The following TMEM156 variants were observed in gnomAD, a reference collection of about 807,000 sequenced individuals.
TMEM156 encodes transmembrane protein 156.
TMEM156 carries 28 observed loss-of-function variants against 30.5 expected under a neutral mutation model. That is an observed-to-expected ratio of 0.92 (90% CI 0.68 to 1.26). The LOEUF (loss-of-function observed/expected upper bound fraction) is 1.26. Among genes scored for constraint, TMEM156 ranks in the 50% most tolerant of loss-of-function variants. The pLI is 0.00. For synonymous variants in TMEM156, 137 were observed against 119.9 expected (o/e 1.14, Z -0.93); for missense variants, 351 against 340.6 (o/e 1.03, Z -0.24).
chr4:39,020,474 G>T (rs551566528), intron 1 of TMEM156, among the ~76,000 whole-genome samples: 1 of 152,106 alleles, frequency 6.6e-6, no homozygotes, highest in Non-Finnish European at 1.5e-5. Context: ...GGCTTCCAGC[G>T]ATCCTCCCAA....
intron 5 of TMEM156, among the ~76,000 whole-genome samples, chr4:38,981,436 T>G (rs561711969): frequency 6.6e-6 from 1 of 152,364 alleles, no homozygotes; most frequent in East Asian, 1.9e-4. Flanking sequence ...TGACTCACAT[T>G]GTTATACACA....
chr4:38,998,942 T>C (rs1309127754), intron 1 of TMEM156, 33 bp from the exon 2 acceptor site: 6 of 1,566,902 alleles, frequency 3.8e-6, no homozygotes, highest in Non-Finnish European at 5.2e-6. Context: ...CTTTCTTTAC[T>C]GTAAAGCTTT....
chr4:38,986,757 G>A (rs1311516117), intron 4 of TMEM156, among the ~76,000 whole-genome samples: 12 of 126,068 alleles, frequency 9.5e-5, no homozygotes, highest in Admixed American at 4.7e-4. Context: ...GCAGTGAGCC[G>A]AGATCATGCC....
chr4:39,025,916 G>A (rs942855833), intron 1 of TMEM156, among the ~76,000 whole-genome samples: 2 of 152,208 alleles, frequency 1.3e-5, no homozygotes, highest in African/African-American at 2.4e-5. Flanking sequence ...GTTTGTGAAC[G>A]TCAGATGAGA....
At chr4:38,972,072 A>T (rs1271848084) in intron 5 of TMEM156, among the ~76,000 whole-genome samples, 3 of 151,818 alleles carry the variant, frequency 2.0e-5, no homozygotes, top group African/African-American at 4.8e-5. Context: ...TACAGGTGTG[A>T]GTGACCGCGC....
chr4:39,008,376 A>G (rs1350043088), intron 1 of TMEM156, among the ~76,000 whole-genome samples: 1 of 152,170 alleles, frequency 6.6e-6, no homozygotes, highest in African/African-American at 2.4e-5. Flanking sequence ...AGATGATTAT[A>G]TAGTATTTCT....
intron 5 of TMEM156, among the ~76,000 whole-genome samples, chr4:38,980,342 C>T (rs1206781261): frequency 6.6e-6 from 1 of 152,124 alleles, no homozygotes; most frequent in African/African-American, 2.4e-5. Flanking sequence ...TTTGGATAGG[C>T]ATAATCAAAA....
rs1438298447 is a variant in TMEM156, at chr4:38,993,895, T to A, written c.462A>T (p.Glu154Asp). ...SVAPLVDHLEEYNTTCHLKNH... is the reference protein window; with the variant it reads ...SVAPLVDHLEDYNTTCHLKNH... ...TTTTTAGATGACAGGTAGTGTTATATTCCTCCAAGTGGTCAACCAGAGGAG... is the reference window on the plus strand; with the variant it reads ...TTTTTAGATGACAGGTAGTGTTATAATCCTCCAAGTGGTCAACCAGAGGAG... Residue 154 changes from glutamate (E) to aspartate (D), a missense_variant, in exon 3 of 7, where the codon GAA (glutamate) becomes GAT (aspartate). Physicochemically the swap from Glu to Asp is conservative, Grantham distance 45. Transcript: ENST00000381938. 3.1e-6 allele frequency: 5 copies of A among 1,614,034 alleles called. No homozygotes were observed. The Admixed American group carries it at 8.3e-5, about 27-fold the overall frequency.
In TMEM156 at chr4:39,030,565, A is replaced by T. The variant is rs146379089; in HGVS notation, c.88+1661T>A. Among the ~76,000 whole-genome samples the T allele has an allele frequency of 2.5e-3, 380 of 152,314 alleles. 2 individuals carry two copies. Among genetic ancestry groups the T allele is most frequent in the African/African-American group, 8.8e-3 (367 of 41,568 alleles). Reference sequence around the variant, plus strand: ...ATGCTTCTCACTTTGAGAAACAAAAACTAAAAGAACTACATGTCTGCCCCA... The same window carrying T: ...ATGCTTCTCACTTTGAGAAACAAAATCTAAAAGAACTACATGTCTGCCCCA... On this transcript the variant is annotated intron_variant, in intron 1 of 6. Coordinates refer to ENST00000381938, the MANE Select transcript of TMEM156 (RefSeq NM_024943.3).
chr4:38,988,877 C>A lies in TMEM156; in HGVS notation c.713G>T (p.Gly238Val), dbSNP rs1296687584. The A allele has an allele frequency of 1.9e-6, 3 of 1,613,982 alleles. No homozygotes were observed. In the Admixed American group the frequency reaches 5.0e-5, roughly 27 times the overall value. ...CTGCCACTTTTGCACTCTTCTCTGGCCTTCAAGTATTTTGCGGATAGTGAG... is the reference window on the plus strand; with the variant it reads ...CTGCCACTTTTGCACTCTTCTCTGGACTTCAAGTATTTTGCGGATAGTGAG... ...IILTIRKILE[G>V]QRRVQKWQSH... The change falls in exon 4 of 7, where the codon GGC (glycine) becomes GTC (valine). Residue 238 changes from glycine (G) to valine (V), a missense_variant. By Grantham distance (109) the Gly-to-Val change is moderately radical. Coordinates refer to ENST00000381938, the MANE Select transcript of TMEM156 (RefSeq NM_024943.3).
At chr4:39,017,171 C>CTTTTTTTTTTTTT (rs1159565890) in intron 1 of TMEM156, among the ~76,000 whole-genome samples, 2 of 91,300 alleles carry the variant, frequency 2.2e-5, no homozygotes, top group Admixed American at 1.6e-4. Context: ...TGTATTTCTT[C>CTTTTTTTTTTTTT]TTTTTTTTTT....
chr4:38,970,950 A>G (rs1722567764), intron 6 of TMEM156, 82 bp downstream of exon 6: 4 of 855,670 alleles, frequency 4.7e-6, no homozygotes, highest in African/African-American at 3.4e-5. Context: ...CCAGATAGAA[A>G]TGGAGTTTGG....
At position 38,966,873 on chromosome 4, in the gene TMEM156, T is replaced by C. The variant is rs527834820; in HGVS notation, c.*807A>G. On this transcript the variant is annotated 3_prime_UTR_variant, in exon 7 of 7. Coordinates refer to ENST00000381938, the MANE Select transcript of TMEM156 (RefSeq NM_024943.3). ...CTGTAATGCAGTGGCGTGATCTTGG[T>C]TCACTGCAAACTCTGCCTGCCAGGT... is the stretch of plus-strand genomic sequence containing the variant. 1 of 149,958 alleles carries C rather than the reference T, an allele frequency of 6.7e-6. No homozygotes were observed. Among genetic ancestry groups the C allele is most frequent in the South Asian group, 2.1e-4 (1 of 4,690 alleles). The allele number at this position is 149,958 out of a possible 1,614,324, so 9.3% of individuals were successfully genotyped here. A position where few individuals can be genotyped will look rare whatever the true frequency, so the allele number is the denominator to read the frequency against.
At chr4:39,012,973 G>T (rs930070625) in intron 1 of TMEM156, among the ~76,000 whole-genome samples, 37 of 151,754 alleles carry the variant, frequency 2.4e-4, no homozygotes, top group Middle Eastern at 3.4e-3. Flanking sequence ...AAAGAAAGAA[G>T]TGAAGGAAAC....
In TMEM156 at chr4:39,012,742, C is replaced by G. The variant is rs549804715; in HGVS notation, c.89-13833G>C. ...ATCACTTGAGGTCAGGAGTTTGAGA[C>G]CAGCCTGGCTGACATGGTGAAACCC... is the stretch of plus-strand genomic sequence containing the variant. On this transcript the variant is annotated intron_variant, in intron 1 of 6. Transcript: ENST00000381938. Among the ~76,000 whole-genome samples the G allele has an allele frequency of 2.1e-3, 315 of 152,116 alleles. 1 individual carries two copies. Among genetic ancestry groups the G allele is most frequent in the African/African-American group, 7.1e-3 (296 of 41,514 alleles).
chr4:39,005,280 G>A (rs1713653193), intron 1 of TMEM156, among the ~76,000 whole-genome samples: 1 of 152,182 alleles, frequency 6.6e-6, no homozygotes, highest in Non-Finnish European at 1.5e-5. Context: ...CCCAGATGTT[G>A]AGGGAGGGAC....
intron 1 of TMEM156, among the ~76,000 whole-genome samples, chr4:39,011,379 G>A (rs185221478): frequency 7.9e-5 from 12 of 152,322 alleles, no homozygotes; most frequent in East Asian, 5.8e-4. Flanking sequence ...TCATTTGACC[G>A]AGTAATCTTA....
rs35576563 is a variant in TMEM156, at chr4:38,998,855, T to C, written c.143A>G (p.Tyr48Cys). 3.8e-3 allele frequency: 6,089 copies of C among 1,609,224 alleles called. 178 individuals are homozygous for C. In the African/African-American group the frequency reaches 0.067, roughly 18 times the overall value. ...LEVCLQSNFT[Y>C]SLSSLNFSFV... The stretch of plus-strand genomic sequence containing the variant: ...AGAAAAATTTAAGGAGGAGAGTGAA[T>C]AGGTAAAATTAGATTGCAAACACAC... Residue 48 changes from tyrosine (Y) to cysteine (C), a missense_variant, in exon 2 of 7, where the codon TAT (tyrosine) becomes TGT (cysteine). Tyr to Cys is a radical substitution (Grantham distance 194). Transcript: ENST00000381938.
chr4:38,992,686 A>G (rs1424447593), intron 3 of TMEM156, among the ~76,000 whole-genome samples: 2 of 43,492 alleles, frequency 4.6e-5, no homozygotes, highest in East Asian at 2.8e-3. Flanking sequence ...AATATATTAT[A>G]TAATATATTA....
Sources: gnomAD v4.1 joint callset for allele counts (sites outside exome capture counted in the v4.1 genomes callset) on GRCh38, gnomAD v4.1.1 for gene constraint, MANE v1.5 for transcripts, NCBI Gene and HGNC (gene_info 2026-07-23, HGNC 2026-07-21) for gene names.